Variants in RBFOX1 observed in about 807,000 individuals in gnomAD.
RBFOX1 encodes RNA binding protein fox-1 homolog 1.
RBFOX1 carries 8 observed loss-of-function variants against 57.7 expected under a neutral mutation model. The ratio of observed to expected loss-of-function variants is 0.14; its 90% confidence interval spans 0.08 to 0.25. The LOEUF (loss-of-function observed/expected upper bound fraction) is 0.25. Ranked by LOEUF, RBFOX1 falls within the 10% of genes least tolerant of loss-of-function variation. The pLI is 1.00. For synonymous variants in RBFOX1, 326 were observed against 222.4 expected, an observed-to-expected ratio of 1.47 and a Z score of -4.15; for missense variants, 611 against 548.5, an observed-to-expected ratio of 1.11 and a Z score of -1.14.
intron 1 of RBFOX1, among the ~76,000 whole-genome samples, chr16:6,303,787 A>G (rs1045072829): frequency 2.0e-5 from 3 of 149,262 alleles, no homozygotes; most frequent in East Asian, 2.0e-4. Context: ...CGGTCTGGCT[A>G]ACATGGTGAA....
intron 3 of RBFOX1, among the ~76,000 whole-genome samples, chr16:5,726,299 C>T (rs927765147): frequency 2.0e-5 from 3 of 151,784 alleles, no homozygotes; most frequent in African/African-American, 7.3e-5. Context: ...GATAATTCAG[C>T]CAGATTTGTC....
chr16:5,542,504 G>A (rs1407191140), intron 2 of RBFOX1, among the ~76,000 whole-genome samples: 2 of 150,822 alleles, frequency 1.3e-5, no homozygotes, highest in African/African-American at 2.4e-5. Flanking sequence ...TGATCCACCC[G>A]CCTCGGCCTC....
chr16:5,823,315 C>G (rs973580813), intron 3 of RBFOX1, among the ~76,000 whole-genome samples: 1 of 152,156 alleles, frequency 6.6e-6, no homozygotes, highest in Non-Finnish European at 1.5e-5. Flanking sequence ...AGATAAATAA[C>G]TGAATACCAG....
intron 14 of RBFOX1, 66 bp from the exon 15 acceptor site, chr16:7,708,990 T>G: frequency 1.4e-6 from 2 of 1,480,320 alleles, no homozygotes; most frequent in South Asian, 2.3e-5. Context: ...TATTTTGGAT[T>G]TTATGATTGT....
chr16:7,163,591 C>T (rs1270695796), intron 4 of RBFOX1, among the ~76,000 whole-genome samples: 1 of 151,996 alleles, frequency 6.6e-6, no homozygotes, highest in Non-Finnish European at 1.5e-5. Flanking sequence ...ATCTCAGTTT[C>T]TACAGAGCAG....
At chr16:6,808,141 T>C (rs1478410748) in intron 3 of RBFOX1, among the ~76,000 whole-genome samples, 1 of 147,592 alleles carries the variant, frequency 6.8e-6, no homozygotes, top group African/African-American at 2.5e-5. Flanking sequence ...ATATATAATA[T>C]GCATATTATA....
intron 2 of RBFOX1, among the ~76,000 whole-genome samples, chr16:6,495,854 A>G (rs2095754998): frequency 6.6e-6 from 1 of 152,234 alleles, no homozygotes; most frequent in South Asian, 2.1e-4. Context: ...TTGGTTGTCC[A>G]TTGTATTCAC....
chr16:6,360,822 T>C (rs986191508), intron 2 of RBFOX1, among the ~76,000 whole-genome samples: 2 of 152,234 alleles, frequency 1.3e-5, no homozygotes, highest in African/African-American at 4.8e-5. Flanking sequence ...TACATAGTTA[T>C]CATTGTGAAT....
rs182144863 is a variant in RBFOX1, at chr16:6,637,527, C to T, written c.-63-17076C>T. 4.9e-5 allele frequency among the ~76,000 whole-genome samples: 5 copies of T among 101,286 alleles called. No homozygotes were observed. The Admixed American group carries it at 5.4e-4, about 11-fold the overall frequency. The allele number at this position is 101,286 out of a possible 152,430, so 66.4% of individuals were successfully genotyped here. A position where few individuals can be genotyped will look rare whatever the true frequency, so the allele number is the denominator to read the frequency against. ...TATTCTATATAGTATATATAATATTCTGTATAGTATATACAATCTGCATAG... is the reference window on the plus strand; with the variant it reads ...TATTCTATATAGTATATATAATATTTTGTATAGTATATACAATCTGCATAG... On this transcript the variant is annotated intron_variant, in intron 2 of 15. Coordinates refer to ENST00000550418, the MANE Select transcript of RBFOX1 (RefSeq NM_018723.4).
intron 2 of RBFOX1, among the ~76,000 whole-genome samples, chr16:5,480,393 C>G (rs2069489382): frequency 6.6e-6 from 1 of 151,404 alleles, no homozygotes; most frequent in South Asian, 2.1e-4. Context: ...AAAAAAAACC[C>G]AACAACACAA....
chr16:5,354,358 C>T (rs1381993062), intron 1 of RBFOX1, among the ~76,000 whole-genome samples: 1 of 152,152 alleles, frequency 6.6e-6, no homozygotes, highest in Non-Finnish European at 1.5e-5. Flanking sequence ...CCCAATATTC[C>T]TGAAAGACAG....
chr16:6,045,596 A>T (rs1051421765), intron 1 of RBFOX1, among the ~76,000 whole-genome samples: 1 of 152,186 alleles, frequency 6.6e-6, no homozygotes, highest in Non-Finnish European at 1.5e-5. Flanking sequence ...CGGTGCTGAG[A>T]ATAAATCAAT....
At chr16:6,866,817 C>G (rs1371997044) in intron 3 of RBFOX1, among the ~76,000 whole-genome samples, 3 of 152,002 alleles carry the variant, frequency 2.0e-5, no homozygotes, top group East Asian at 3.9e-4. Flanking sequence ...GCTGGGATTA[C>G]AGGCAGGAGC....
At chr16:5,545,774 C>T (rs564770164) in intron 2 of RBFOX1, among the ~76,000 whole-genome samples, 28 of 152,178 alleles carry the variant, frequency 1.8e-4, no homozygotes, top group African/African-American at 6.5e-4. Context: ...TGCTTAAGAT[C>T]GGGAACAAGA....
At chr16:7,030,668 C>T (rs958232958) in intron 3 of RBFOX1, among the ~76,000 whole-genome samples, 14 of 152,132 alleles carry the variant, frequency 9.2e-5, no homozygotes, top group Admixed American at 6.5e-5. Context: ...TGATCCTTAC[C>T]TTATTTACAT....
chr16:5,952,979 A>T (rs1167096979), intron 4 of RBFOX1, among the ~76,000 whole-genome samples: 1 of 152,162 alleles, frequency 6.6e-6, no homozygotes, highest in African/African-American at 2.4e-5. Context: ...TGTTAATATT[A>T]TCACTAGGAA....
intron 2 of RBFOX1, among the ~76,000 whole-genome samples, chr16:5,538,766 A>G (rs890206455): frequency 1.1e-4 from 16 of 152,100 alleles, no homozygotes; most frequent in African/African-American, 2.6e-4. Flanking sequence ...AGCTGGGACT[A>G]CAGGCACGCA....
intron 1 of RBFOX1, among the ~76,000 whole-genome samples, chr16:5,341,940 C>T (rs2065041886): frequency 1.3e-5 from 2 of 152,240 alleles, no homozygotes; most frequent in South Asian, 4.1e-4. Flanking sequence ...ATGGGGGATA[C>T]ATTCTGAAAG....
intron 2 of RBFOX1, among the ~76,000 whole-genome samples, chr16:6,424,108 A>C (rs6500783): frequency 3.3e-5 from 5 of 152,040 alleles, no homozygotes; most frequent in Non-Finnish European, 7.4e-5. Context: ...ATATGTTGGC[A>C]TGTGCCTATA....
Sources: gnomAD v4.1 joint callset for allele counts (sites outside exome capture counted in the v4.1 genomes callset) on GRCh38, gnomAD v4.1.1 for gene constraint, MANE v1.5 for transcripts, NCBI Gene and HGNC (gene_info 2026-07-23, HGNC 2026-07-21) for gene names.